The following RERE variants were observed in gnomAD, a reference collection of about 807,000 sequenced individuals.
RERE encodes the protein arginine-glutamic acid dipeptide repeats, also known as arginine-glutamic acid dipeptide repeats protein.
A neutral mutation model predicts 146.1 loss-of-function variants in RERE; 40 were observed. The observed-to-expected ratio is 0.27, with a 90% CI of 0.21 to 0.36. The LOEUF is 0.36. Ranked by LOEUF, RERE falls within the 10% of genes least tolerant of loss-of-function variation. The pLI, the probability that RERE is intolerant of heterozygous loss-of-function variation, is 1.00. For missense variants in RERE, 1,933 were observed against 2,138.7 expected, an observed-to-expected ratio of 0.90 and a Z score of 1.90; for synonymous variants, 1,003 against 866.0, an observed-to-expected ratio of 1.16 and a Z score of -2.78.
intron 1 of RERE, among the ~76,000 whole-genome samples, chr1:8,702,601 T>C (rs1569583192): frequency 6.6e-6 from 1 of 152,316 alleles, no homozygotes; most frequent in Non-Finnish European, 1.5e-5. Flanking sequence ...TCAAATCAAG[T>C]CCATCAAATT....
Position 8,360,429 on chromosome 1 carries a change from GTGGAGGCCTGTA to G in RERE, c.3066_3077del (p.Thr1023_His1026del). On this transcript the variant is annotated inframe_deletion, in exon 18 of 23. Coordinates refer to ENST00000400908, the MANE Select transcript of RERE (RefSeq NM_001042681.2). ...CAAACGGGGGTTGGGGGGCCACCTG[GTGGAGGCCTGTA>G]GGGGGGTGGGAGGCAGGGGGCGGGG... The G allele has an allele frequency of 8.3e-7, 1 of 1,199,184 alleles. No homozygotes were observed. The allele number at this position is 1,199,184 out of a possible 1,614,324, so 74.3% of individuals were successfully genotyped here. A position where few individuals can be genotyped will look rare whatever the true frequency, so the allele number is the denominator to read the frequency against.
intron 12 of RERE, among the ~76,000 whole-genome samples, chr1:8,381,649 CAA>C (rs1405671859): frequency 2.6e-5 from 4 of 152,138 alleles, no homozygotes; most frequent in African/African-American, 4.8e-5. Flanking sequence ...AAACAAAACA[CAA>C]AGAGTCCCTT....
At chr1:8,479,282 A>G (rs139006921) in intron 10 of RERE, among the ~76,000 whole-genome samples, 2 of 152,038 alleles carry the variant, frequency 1.3e-5, no homozygotes, top group African/African-American at 4.8e-5. Context: ...AAATAATAAT[A>G]ATGAGCTATT....
chr1:8,620,124 T>C (rs1323197011), intron 3 of RERE, among the ~76,000 whole-genome samples: 1 of 152,220 alleles, frequency 6.6e-6, no homozygotes, highest in Non-Finnish European at 1.5e-5. Context: ...GTAAGTCACA[T>C]GGTGACCTAT....
chr1:8,543,515 G>A (rs1645823741), intron 6 of RERE, among the ~76,000 whole-genome samples: 1 of 152,084 alleles, frequency 6.6e-6, no homozygotes, highest in African/African-American at 2.4e-5. Flanking sequence ...CTCTTAAACT[G>A]GAGTAATTAA....
intron 7 of RERE, 88 bp downstream of exon 7, chr1:8,541,126 A>G (rs905698535): frequency 2.8e-5 from 19 of 670,754 alleles, no homozygotes; most frequent in Non-Finnish European, 1.3e-5. Context: ...GTCCAGAAGC[A>G]TAAACTACAC....
At chr1:8,575,638 C>T (rs1187156648) in intron 4 of RERE, among the ~76,000 whole-genome samples, 1 of 150,166 alleles carries the variant, frequency 6.7e-6, no homozygotes, top group East Asian at 1.9e-4. Flanking sequence ...CAAGCAATCC[C>T]CCAACCTCGG....
chr1:8,543,520 A>C (rs2124395760), intron 6 of RERE, among the ~76,000 whole-genome samples: 1 of 152,358 alleles, frequency 6.6e-6, no homozygotes. Context: ...AAACTGGAGT[A>C]ATTAATGTAT....
chr1:8,741,225 C>T (rs1314542812), intron 1 of RERE, among the ~76,000 whole-genome samples: 2 of 152,178 alleles, frequency 1.3e-5, no homozygotes, highest in African/African-American at 4.8e-5. Flanking sequence ...AGCACATGAC[C>T]ATAATTCCTT....
At chr1:8,498,732 TACACACACACACACACAC>T (rs1553175300) in intron 8 of RERE, among the ~76,000 whole-genome samples, 10 of 107,836 alleles carry the variant, frequency 9.3e-5, no homozygotes. Flanking sequence ...AATAAATATA[TACACACACACACACACAC>T]ACACACACAC....
chr1:8,446,760 C>T (rs1017335199), intron 11 of RERE, among the ~76,000 whole-genome samples: 4 of 152,052 alleles, frequency 2.6e-5, no homozygotes, highest in Non-Finnish European at 4.4e-5. Context: ...CTGCAAGCTC[C>T]GCCTCCGGGT....
intron 10 of RERE, among the ~76,000 whole-genome samples, chr1:8,489,111 A>C (rs1644942471): frequency 6.6e-6 from 1 of 152,098 alleles, no homozygotes; most frequent in African/African-American, 2.4e-5. Flanking sequence ...TGGGAAGCTG[A>C]AGTGGGAAGA....
intron 11 of RERE, among the ~76,000 whole-genome samples, chr1:8,446,997 C>T (rs1330146592): frequency 6.6e-6 from 1 of 151,758 alleles, no homozygotes; most frequent in African/African-American, 2.4e-5. Flanking sequence ...TCTTTTCGTT[C>T]TTTTTTCTCT....
At chr1:8,598,743 GGGAAGCAGAAA>G (rs1646585457) in intron 4 of RERE, among the ~76,000 whole-genome samples, 1 of 152,166 alleles carries the variant, frequency 6.6e-6, no homozygotes, top group Non-Finnish European at 1.5e-5. Context: ...GAGTTTTTCA[GGGAAGCAGAAA>G]TGTGAGATTA....
intron 1 of RERE, among the ~76,000 whole-genome samples, chr1:8,715,341 G>C (rs937738219): frequency 6.6e-6 from 1 of 151,236 alleles, no homozygotes; most frequent in Non-Finnish European, 1.5e-5. Flanking sequence ...GTGAAACCCC[G>C]TCTCTACTAA....
rs372279350 is a variant in RERE, at chr1:8,541,729, T to C, written c.726-411A>G. On this transcript the variant is annotated intron_variant, in intron 6 of 22. Coordinates refer to ENST00000400908, the MANE Select transcript of RERE (RefSeq NM_001042681.2). Reference sequence around the variant, plus strand: ...ATGATAGGCAGAAAGTTTAACTGTTTAAAGCTAAAATGTGGAATATTTGAC... The same window carrying C: ...ATGATAGGCAGAAAGTTTAACTGTTCAAAGCTAAAATGTGGAATATTTGAC... 2.0e-4 allele frequency among the ~76,000 whole-genome samples: 30 copies of C among 152,318 alleles called. No individual in the cohort carries two copies. In the East Asian group the frequency reaches 3.5e-3, roughly 18 times the overall value.
At chr1:8,383,782 C>A (rs1642538416) in intron 12 of RERE, among the ~76,000 whole-genome samples, 1 of 151,936 alleles carries the variant, frequency 6.6e-6, no homozygotes, top group African/African-American at 2.4e-5. Context: ...TCGCTTGAGC[C>A]CGGGAGGTGA....
intron 12 of RERE, among the ~76,000 whole-genome samples, chr1:8,369,812 C>T (rs1049049693): frequency 6.6e-6 from 1 of 151,974 alleles, no homozygotes; most frequent in Non-Finnish European, 1.5e-5. Context: ...TTTTTTGAGA[C>T]GGAGTCTTGC....
intron 1 of RERE, among the ~76,000 whole-genome samples, chr1:8,681,329 T>A (rs921320799): frequency 2.6e-5 from 4 of 151,874 alleles, no homozygotes; most frequent in African/African-American, 9.7e-5. Context: ...AACCGGGGAG[T>A]CTTTCTCTTA....
Sources: gnomAD v4.1 joint callset for allele counts (sites outside exome capture counted in the v4.1 genomes callset) on GRCh38, gnomAD v4.1.1 for gene constraint, MANE v1.5 for transcripts, NCBI Gene and HGNC (gene_info 2026-07-23, HGNC 2026-07-21) for gene names.